The following SUN3 variants were observed in gnomAD, a reference collection of about 807,000 sequenced individuals.
The protein encoded by SUN3 is SUN domain-containing protein 3.
SUN3 carries 36 observed loss-of-function variants against 48.2 expected under a neutral mutation model. The observed-to-expected ratio is 0.75, with a 90% CI of 0.57 to 0.99. The LOEUF is 0.99. SUN3 is among the 50% of genes least tolerant of loss of function. The pLI is 0.00. For missense variants in SUN3, 419 were observed against 433.1 expected, an observed-to-expected ratio of 0.97 and a Z score of 0.29; for synonymous variants, 148 against 147.9, an observed-to-expected ratio of 1.00 and a Z score of 0.00.
At chr7:48,005,369 C>T (rs573952768) in intron 6 of SUN3, among the ~76,000 whole-genome samples, 44 of 152,226 alleles carry the variant, frequency 2.9e-4, no homozygotes, top group Middle Eastern at 6.8e-3. Flanking sequence ...ATTTCCCTGG[C>T]GTAAATTTGA....
chr7:48,005,190 AAAAT>A (rs1367433756), intron 6 of SUN3, among the ~76,000 whole-genome samples: 1 of 152,186 alleles, frequency 6.6e-6, no homozygotes, highest in Non-Finnish European at 1.5e-5. Context: ...AAACAACCAA[AAAAT>A]CCCAACTATG....
intron 6 of SUN3, among the ~76,000 whole-genome samples, chr7:47,996,697 G>A (rs1045317032): frequency 2.0e-5 from 3 of 151,656 alleles, no homozygotes; most frequent in Admixed American, 6.6e-5. Flanking sequence ...AATAAATAAA[G>A]AAAATGCAAA....
intron 6 of SUN3, among the ~76,000 whole-genome samples, chr7:47,999,707 G>C (rs1006775894): frequency 1.8e-4 from 28 of 152,120 alleles, no homozygotes; most frequent in Admixed American, 7.8e-4. Flanking sequence ...TGGCTGTTTT[G>C]TATTTTTAGT....
At chr7:47,995,189 GTGA>G (rs567059094) in intron 7 of SUN3, among the ~76,000 whole-genome samples, 60 of 151,860 alleles carry the variant, frequency 4.0e-4, no homozygotes, top group African/African-American at 1.3e-3. Context: ...AGTGGTGGTG[GTGA>G]TGATGATGGA....
At chr7:48,005,926 C>CT (rs374250612) in intron 6 of SUN3, 43 bp downstream of exon 6, 19,701 of 1,049,702 alleles carry the variant, frequency 0.019, no homozygotes, top group South Asian at 0.022. Flanking sequence ...CTGAAGCATT[C>CT]TTTTTTTTTT....
intron 5 of SUN3, among the ~76,000 whole-genome samples, chr7:48,006,553 G>A (rs933773343): frequency 2.0e-5 from 3 of 152,040 alleles, no homozygotes; most frequent in Non-Finnish European, 4.4e-5. Flanking sequence ...TCTAAAAAAC[G>A]AACAAACAAA....
chr7:47,991,410 C>T (rs778147027), intron 8 of SUN3, among the ~76,000 whole-genome samples: 1 of 152,152 alleles, frequency 6.6e-6, no homozygotes, highest in Non-Finnish European at 1.5e-5. Context: ...ACACCACTTG[C>T]AGGTGGTGTG....
chr7:48,035,701 C>T, the SUN3 span: 1 of 594,732 alleles, frequency 1.7e-6, no homozygotes, highest in East Asian at 3.0e-5. This position sits in a 1 kb window ranked among gnomAD's most constrained non-coding sequence, Gnocchi z 4.0. Flanking sequence ...CTGTGCGGAG[C>T]TCGCAGTGCG....
At chr7:48,022,283 G>A (rs758531410) in intron 2 of SUN3, among the ~76,000 whole-genome samples, 4 of 152,046 alleles carry the variant, frequency 2.6e-5, no homozygotes, top group East Asian at 1.9e-4. Context: ...GGGTAGTGTC[G>A]AAGATGGAGG....
chr7:47,996,358 T>A (rs1330698600), intron 6 of SUN3, among the ~76,000 whole-genome samples: 1 of 152,068 alleles, frequency 6.6e-6, no homozygotes, highest in Non-Finnish European at 1.5e-5. Context: ...TTCTGTTTAG[T>A]TTCACAAAAT....
At chr7:48,009,886 C>G (rs1789635986) in intron 3 of SUN3, among the ~76,000 whole-genome samples, 1 of 152,110 alleles carries the variant, frequency 6.6e-6, no homozygotes, top group South Asian at 2.1e-4. Context: ...AATGGCCTAG[C>G]TGCATCCTCC....
intron 3 of SUN3, among the ~76,000 whole-genome samples, chr7:48,014,844 G>A (rs1241274374): frequency 1.3e-5 from 2 of 152,306 alleles, no homozygotes; most frequent in African/African-American, 4.8e-5. Context: ...GCAGGCTGGA[G>A]AACCAGGGAA....
chr7:47,991,046 CTAAAATAAAAGT>C (rs1317802399), intron 8 of SUN3: 2 of 455,056 alleles, frequency 4.4e-6, no homozygotes, highest in African/African-American at 2.0e-5. Flanking sequence ...ACCTCTGAAC[CTAAAATAAAAGT>C]TAAAATAAAA....
At chr7:48,009,271 AGAT>A (rs367821607) in intron 3 of SUN3, among the ~76,000 whole-genome samples, 196 bp from the exon 4 acceptor site, 36 of 152,300 alleles carry the variant, frequency 2.4e-4, no homozygotes, top group African/African-American at 7.2e-4. Context: ...TATTTGAAGG[AGAT>A]GAGGTAATGC....
At chr7:48,021,014 C>T (rs1789979267) in intron 2 of SUN3, among the ~76,000 whole-genome samples, 1 of 152,072 alleles carries the variant, frequency 6.6e-6, no homozygotes, top group South Asian at 2.1e-4. Flanking sequence ...AATCACATTA[C>T]CTGACTTCAA....
rs370627602 is a variant in SUN3, at chr7:48,002,263, T to C, written c.577+3706A>G. Among the ~76,000 whole-genome samples, 221 of 115,234 alleles carry C rather than the reference T, an allele frequency of 1.9e-3. 2 individuals are homozygous for C. Among genetic ancestry groups the C allele is most frequent in the Non-Finnish European group, 2.8e-3 (169 of 59,470 alleles). The allele number at this position is 115,234 out of a possible 152,430, so 75.6% of individuals were successfully genotyped here. ...CAAGCTCCGCCTCCCGGGTTCACGCTATTCTCCTGCCTCAGCCTCCCGAGT... is the reference window on the plus strand; with the variant it reads ...CAAGCTCCGCCTCCCGGGTTCACGCCATTCTCCTGCCTCAGCCTCCCGAGT... On this transcript the variant is annotated intron_variant, in intron 6 of 9. Transcript: ENST00000297325.
intron 3 of SUN3, among the ~76,000 whole-genome samples, chr7:48,012,674 G>A (rs1259765966): frequency 6.6e-6 from 1 of 152,132 alleles, no homozygotes; most frequent in African/African-American, 2.4e-5. Flanking sequence ...ATTAAATATT[G>A]GAGTAAGTAA....
At chr7:48,032,113 G>GTGGGAA (rs1790263719), upstream of SUN3, among the ~76,000 whole-genome samples, 1 of 152,190 alleles carries the variant, frequency 6.6e-6, no homozygotes, top group Non-Finnish European at 1.5e-5. Flanking sequence ...GGCAGAGGGA[G>GTGGGAA]TGGGAATGGG....
At chr7:47,996,840 T>C in intron 6 of SUN3, among the ~76,000 whole-genome samples, 3 of 149,964 alleles carry the variant, frequency 2.0e-5, no homozygotes, top group Non-Finnish European at 4.4e-5. Flanking sequence ...TCTCACTCTG[T>C]CGCCAGGCTG....
Sources: allele counts gnomAD v4.1 joint callset (sites outside exome capture counted in the v4.1 genomes callset), GRCh38; gene constraint gnomAD v4.1.1; non-coding constraint Gnocchi (gnomAD v3.1); transcripts MANE v1.5; gene names NCBI Gene and HGNC (gene_info 2026-07-23, HGNC 2026-07-21).